Variants in SGCD observed in about 807,000 individuals in gnomAD.
The protein encoded by SGCD is delta-sarcoglycan.
In SGCD, 18 loss-of-function variants were observed where a neutral mutation model predicts 36.6. The ratio of observed to expected loss-of-function variants is 0.49; its 90% CI spans 0.34 to 0.73. The LOEUF is 0.73. SGCD is among the 30% of genes least tolerant of loss of function. The pLI, the probability that SGCD is intolerant of heterozygous loss-of-function variation, is 0.01. For missense variants in SGCD, 387 were observed against 346.7 expected, an observed-to-expected ratio of 1.12 and a Z score of -0.92; for synonymous variants, 133 against 130.6, an observed-to-expected ratio of 1.02 and a Z score of -0.12.
intron 3 of SGCD, among the ~76,000 whole-genome samples, chr5:156,498,109 G>A (rs1484001490): frequency 6.6e-6 from 1 of 152,052 alleles, no homozygotes; most frequent in Non-Finnish European, 1.5e-5. Context: ...ACAAATAACA[G>A]TCATGTTTTA....
intron 3 of SGCD, among the ~76,000 whole-genome samples, chr5:156,168,741 C>A (rs1307275107): frequency 6.6e-6 from 1 of 152,226 alleles, no homozygotes; most frequent in Non-Finnish European, 1.5e-5. Context: ...CAGTCCTGGA[C>A]TGATTAAGTG....
intron 3 of SGCD, among the ~76,000 whole-genome samples, chr5:156,476,952 G>A (rs943321632): frequency 1.3e-5 from 2 of 151,490 alleles, no homozygotes; most frequent in Non-Finnish European, 2.9e-5. Flanking sequence ...TATTTTATGA[G>A]CCTAGAAGCA....
In SGCD at chr5:156,401,420, A is replaced by G. The variant is rs528560211; in HGVS notation, c.192+56743A>G. ...ATTCAACAAGGTAGGTAGAGTCTGT[A>G]CTATTTCATCTTGTTCTTTCATTGG... On this transcript the variant is annotated intron_variant, in intron 3 of 8. Coordinates refer to ENST00000337851, the MANE Select transcript of SGCD (RefSeq NM_000337.6). Among the ~76,000 whole-genome samples, 37 of 152,344 alleles carry G rather than the reference A, an allele frequency of 2.4e-4. No individual in the cohort carries two copies. The South Asian group carries it at 7.0e-3, about 29-fold the overall frequency.
intron 4 of SGCD, among the ~76,000 whole-genome samples, chr5:156,510,938 A>G (rs1756900179): frequency 6.6e-6 from 1 of 152,212 alleles, no homozygotes; most frequent in Admixed American, 6.5e-5. Flanking sequence ...CAGGAATTGG[A>G]TGTCTAGCAA....
At chr5:155,811,178 C>T in the SGCD span, among the ~76,000 whole-genome samples, 173 of 152,198 alleles carry the variant, frequency 1.1e-3, no homozygotes, top group Middle Eastern at 0.01. Context: ...CAAGGAACTA[C>T]CAATAGATCA....
chr5:155,808,240 G>A, the SGCD span, among the ~76,000 whole-genome samples: 4 of 152,210 alleles, frequency 2.6e-5, no homozygotes, highest in South Asian at 8.3e-4. Context: ...CTTTGCTTTT[G>A]GCATTTTAAA....
the SGCD span, among the ~76,000 whole-genome samples, chr5:155,797,644 C>T: frequency 9.2e-3 from 1,405 of 152,174 alleles, 20 homozygotes; most frequent in African/African-American, 0.032. Flanking sequence ...TCAGAAGACC[C>T]GAGTTCTAAT....
intron 3 of SGCD, among the ~76,000 whole-genome samples, chr5:156,135,779 A>C (rs1762440728): frequency 6.6e-6 from 1 of 152,176 alleles, no homozygotes; most frequent in South Asian, 2.1e-4. Context: ...GGTATAAATG[A>C]ATGTTAATGT....
At chr5:156,386,055 T>A (rs1449761885) in intron 3 of SGCD, among the ~76,000 whole-genome samples, 1 of 152,238 alleles carries the variant, frequency 6.6e-6, no homozygotes, top group Admixed American at 6.5e-5. Context: ...GTGTTTCTTA[T>A]TTTGTTAGGT....
the SGCD span, among the ~76,000 whole-genome samples, chr5:155,852,024 A>G: frequency 6.6e-6 from 1 of 152,234 alleles, no homozygotes; most frequent in African/African-American, 2.4e-5. Context: ...AGCCTGGAAC[A>G]TGATAGGAGC....
chr5:156,095,598 C>T (rs1761355855), intron 1 of SGCD, among the ~76,000 whole-genome samples: 1 of 152,136 alleles, frequency 6.6e-6, no homozygotes, highest in African/African-American at 2.4e-5. Flanking sequence ...GACAGGGTTA[C>T]CCATTCATAA....
chr5:155,891,638 A>G (rs1179301279), intron 1 of SGCD, among the ~76,000 whole-genome samples: 1 of 146,958 alleles, frequency 6.8e-6, no homozygotes, highest in African/African-American at 2.5e-5. Context: ...AAACAATATT[A>G]CAGTGTTCCC....
intron 3 of SGCD, among the ~76,000 whole-genome samples, chr5:156,461,049 T>G (rs1368906752): frequency 6.6e-6 from 1 of 152,178 alleles, no homozygotes; most frequent in Non-Finnish European, 1.5e-5. Context: ...CAGGGCATAC[T>G]TTAGAAGCTG....
chr5:156,499,062 G>A (rs1055118274), intron 3 of SGCD, among the ~76,000 whole-genome samples: 6 of 152,050 alleles, frequency 3.9e-5, no homozygotes, highest in African/African-American at 1.4e-4. Context: ...ACAGGGCTGG[G>A]CACACAGTAG....
chr5:156,359,385 G>A (rs1580869939), intron 3 of SGCD, among the ~76,000 whole-genome samples: 1 of 152,138 alleles, frequency 6.6e-6, no homozygotes, highest in Non-Finnish European at 1.5e-5. Context: ...TCTGTGCCAG[G>A]TGTGATACTG....
At chr5:156,430,098 A>G (rs926143189) in intron 3 of SGCD, among the ~76,000 whole-genome samples, 6 of 152,184 alleles carry the variant, frequency 3.9e-5, no homozygotes, top group Admixed American at 1.3e-4. Flanking sequence ...TTCTTCAATT[A>G]CTTCCTCAAA....
At chr5:155,756,082 T>A in the SGCD span, among the ~76,000 whole-genome samples, 1 of 152,224 alleles carries the variant, frequency 6.6e-6, no homozygotes, top group Non-Finnish European at 1.5e-5. Context: ...TGGGTTCAGG[T>A]GTTCCCTCTC....
At chr5:156,713,279 A>ATT (rs1370485791) in intron 7 of SGCD, among the ~76,000 whole-genome samples, 3 of 152,150 alleles carry the variant, frequency 2.0e-5, no homozygotes, top group Non-Finnish European at 4.4e-5. Context: ...GAAGGTATAC[A>ATT]TATTTATTAA....
chr5:156,344,699 T>C (rs1294571471), intron 3 of SGCD, 22 bp downstream of exon 3: 1 of 1,567,796 alleles, frequency 6.4e-7, no homozygotes, highest in Non-Finnish European at 8.7e-7. Flanking sequence ...CATCTAGGTT[T>C]GTTTAGCTTT....
Sources: allele counts gnomAD v4.1 joint callset (sites outside exome capture counted in the v4.1 genomes callset), GRCh38; gene constraint gnomAD v4.1.1; transcripts MANE v1.5; gene names NCBI Gene and HGNC (gene_info 2026-07-23, HGNC 2026-07-21).